Variants in SLC16A12 observed in about 807,000 individuals in gnomAD.
SLC16A12 encodes the protein solute carrier family 16 member 12.
Under a neutral mutation model 42.4 loss-of-function variants are expected in SLC16A12, and 17 were observed. The ratio of observed to expected loss-of-function variants is 0.40; its 90% CI spans 0.27 to 0.60. SLC16A12 has a LOEUF of 0.60. Among genes scored for constraint, SLC16A12 ranks in the 20% least tolerant of loss-of-function variants. The pLI, the probability that SLC16A12 is intolerant of heterozygous loss-of-function variation, is 0.42. For missense variants in SLC16A12, 544 were observed against 623.0 expected, an observed-to-expected ratio of 0.87 and a Z score of 1.35; for synonymous variants, 224 against 229.4, an observed-to-expected ratio of 0.98 and a Z score of 0.21.
chr10:89,550,130 T>A (rs530249746), intron 2 of SLC16A12, among the ~76,000 whole-genome samples: 1 of 152,246 alleles, frequency 6.6e-6, no homozygotes, highest in South Asian at 2.1e-4. Flanking sequence ...CATCTTGCCA[T>A]CTCCTCTCTC....
At position 89,433,316 on chromosome 10, in the gene SLC16A12, T is replaced by C. The variant is rs745770633; in HGVS notation, c.1299A>G (p.Val433=). ...LVSPPIAGRL[V]DTTGSYTAAF... ...CTGCAGTGTAGCTGCCGGTGGTATC[T>C]ACCAGCCGTCCTGTAACAAACAACA... is the stretch of plus-strand genomic sequence containing the variant. The change falls in exon 8 of 8, where the codon GTA becomes GTG. Residue 433 remains valine, a synonymous_variant. Coordinates refer to ENST00000371790, the MANE Select transcript of SLC16A12 (RefSeq NM_213606.4). 1.0e-4 allele frequency: 163 copies of C among 1,613,854 alleles called. No individual in the cohort carries two copies. The highest frequency in any genetic ancestry group is 1.3e-4 in the Non-Finnish European group (152 of 1,180,016).
chr10:89,524,537 G>A (rs12265854), intron 2 of SLC16A12, among the ~76,000 whole-genome samples: 15,100 of 152,204 alleles, frequency 0.099, 1,000 homozygotes, highest in East Asian at 0.32. Flanking sequence ...TTCAACCTGC[G>A]AATTTCTACA....
intron 3 of SLC16A12, among the ~76,000 whole-genome samples, chr10:89,458,645 G>C (rs1454736882): frequency 6.6e-6 from 1 of 152,168 alleles, no homozygotes; most frequent in Admixed American, 6.5e-5. Flanking sequence ...TAAGCAGATA[G>C]AATAAATTGC....
intron 2 of SLC16A12, among the ~76,000 whole-genome samples, chr10:89,516,497 G>T (rs1843253117): frequency 6.6e-6 from 1 of 152,174 alleles, no homozygotes; most frequent in Non-Finnish European, 1.5e-5. Flanking sequence ...GATTTGGTTA[G>T]CACCATGTTT....
rs530299211 is a variant in SLC16A12 at position 89,433,406 on chromosome 10, A to G, written c.1289-80T>C. The stretch of plus-strand genomic sequence containing the variant: ...CCACTCTCAAATTCTAATGATTTGT[A>G]AGGATAATAATAGATCGATAGCACC... On this transcript the variant is annotated intron_variant, in intron 7 of 7. Coordinates refer to ENST00000371790, the MANE Select transcript of SLC16A12 (RefSeq NM_213606.4). 7.3e-5 allele frequency: 107 copies of G among 1,456,034 alleles called. 1 individual carries two copies. The South Asian group carries it at 1.2e-3, about 17-fold the overall frequency. The allele number at this position is 1,456,034 out of a possible 1,614,324, so 90.2% of individuals were successfully genotyped here.
Position 89,547,895 on chromosome 10 carries a change from G to A in SLC16A12, c.-47+7987C>T, listed in dbSNP as rs372504607. ...CCCAGGTGCTCAGGAGGCTGAGGCA[G>A]GAGAATCACTTTAACCCAGGAGGCA... On this transcript the variant is annotated intron_variant, in intron 2 of 2. Transcript: ENST00000475682. 2.1e-4 allele frequency among the ~76,000 whole-genome samples: 31 copies of A among 149,488 alleles called. 1 individual carries two copies. The highest frequency in any genetic ancestry group is 7.7e-4 in the African/African-American group (31 of 40,218).
rs55935286 is a variant in SLC16A12 at position 89,534,644 on chromosome 10, C to CAAAAAAAAAA, written c.-186-14_-186-5dup. On this transcript the variant is annotated splice_region_variant and splice_polypyrimidine_tract_variant and intron_variant, in intron 1 of 7. Coordinates refer to ENST00000371790, the MANE Select transcript of SLC16A12 (RefSeq NM_213606.4). ...CCAATATGTCGAAATCCTGTATCTGCAAAAAAAAAAAAAAAAAAAAAAAAA... is the reference window on the plus strand; with the variant it reads ...CCAATATGTCGAAATCCTGTATCTGCAAAAAAAAAAAAAAAAAAAAAAAAAAAAAAAAAAA... The CAAAAAAAAAA allele has an allele frequency of 2.5e-4, 13 of 52,270 alleles. No individual in the cohort carries two copies. Among genetic ancestry groups the CAAAAAAAAAA allele is most frequent in the African/African-American group, 3.1e-4 (3 of 9,834 alleles). 3.2% of individuals were successfully genotyped at this position (52,270 alleles called of 1,614,324 possible).
At chr10:89,540,274 T>C (rs986037320), upstream of SLC16A12, among the ~76,000 whole-genome samples, 3 of 151,966 alleles carry the variant, frequency 2.0e-5, no homozygotes, top group Non-Finnish European at 4.4e-5. Flanking sequence ...AGTTTTTGTA[T>C]TTTTTGTAGG....
chr10:89,517,976 C>T (rs1390492638), intron 2 of SLC16A12, among the ~76,000 whole-genome samples: 2 of 152,128 alleles, frequency 1.3e-5, no homozygotes, highest in East Asian at 3.8e-4. Context: ...GAAAAAAGGG[C>T]ACCTTAGACT....
At chr10:89,547,112 T>C (rs1843746105) in intron 2 of SLC16A12, among the ~76,000 whole-genome samples, 1 of 152,172 alleles carries the variant, frequency 6.6e-6, no homozygotes, top group African/African-American at 2.4e-5. Context: ...CATGTATCTA[T>C]GTAACAAACC....
chr10:89,539,359 T>C (rs2133882360), upstream of SLC16A12, among the ~76,000 whole-genome samples: 1 of 149,410 alleles, frequency 6.7e-6, no homozygotes, highest in Admixed American at 6.6e-5. Flanking sequence ...AATTGAGTAC[T>C]ATTTGTACTT....
intron 2 of SLC16A12, among the ~76,000 whole-genome samples, chr10:89,477,371 C>A (rs1425565891): frequency 6.6e-6 from 1 of 152,042 alleles, no homozygotes; most frequent in African/African-American, 2.4e-5. Flanking sequence ...TCAAGACCAG[C>A]CTGACCAACA....
At chr10:89,445,962 A>G (rs1353213688) in intron 3 of SLC16A12, among the ~76,000 whole-genome samples, 1 of 152,252 alleles carries the variant, frequency 6.6e-6, no homozygotes, top group African/African-American at 2.4e-5. Flanking sequence ...TGACGCATAC[A>G]CAAGCTTCAG....
chr10:89,465,387 G>A (rs541052315), intron 2 of SLC16A12, among the ~76,000 whole-genome samples: 1 of 152,298 alleles, frequency 6.6e-6, no homozygotes, highest in East Asian at 1.9e-4. Flanking sequence ...GCCTGACGTA[G>A]CTATAAATGC....
intron 2 of SLC16A12, among the ~76,000 whole-genome samples, chr10:89,532,122 G>T (rs1234844779): frequency 6.6e-6 from 1 of 152,154 alleles, no homozygotes; most frequent in Admixed American, 6.5e-5. Flanking sequence ...ATAAGAAGTA[G>T]AAGTTCAATA....
chr10:89,489,329 CTTTAT>C (rs996024622), intron 2 of SLC16A12, among the ~76,000 whole-genome samples: 11 of 151,898 alleles, frequency 7.2e-5, no homozygotes, highest in African/African-American at 2.2e-4. Context: ...ACTTATTTTA[CTTTAT>C]TTTATTTTAT....
intron 2 of SLC16A12, among the ~76,000 whole-genome samples, chr10:89,554,091 AGAAAGAAAGAAG>A (rs1843790762): frequency 1.1e-3 from 27 of 25,096 alleles, no homozygotes; most frequent in African/African-American, 2.2e-3. Context: ...AAAGAAAGAA[AGAAAGAAAGAAG>A]GAAGGAAGGA....
At chr10:89,444,464 T>C (rs975189400) in intron 3 of SLC16A12, among the ~76,000 whole-genome samples, 1 of 152,150 alleles carries the variant, frequency 6.6e-6, no homozygotes, top group Non-Finnish European at 1.5e-5. Flanking sequence ...AAATAAATTA[T>C]GGCATATCAA....
At chr10:89,481,857 A>G (rs868211626) in intron 2 of SLC16A12, among the ~76,000 whole-genome samples, 6 of 152,284 alleles carry the variant, frequency 3.9e-5, no homozygotes, top group Middle Eastern at 3.4e-3. Flanking sequence ...TGAGAATGCA[A>G]TGTTCTTTCT....
Sources: gnomAD v4.1 joint callset for allele counts (sites outside exome capture counted in the v4.1 genomes callset) on GRCh38, gnomAD v4.1.1 for gene constraint, MANE v1.5 for transcripts, NCBI Gene and HGNC (gene_info 2026-07-23, HGNC 2026-07-21) for gene names.